The following AKAP6 variants were observed in gnomAD, a reference collection of about 807,000 sequenced individuals.
The protein encoded by AKAP6 is A-kinase anchoring protein 6.
A neutral mutation model predicts 188.5 loss-of-function variants in AKAP6; 58 were observed. That is an observed-to-expected ratio of 0.31 (90% CI 0.25 to 0.38). The LOEUF is 0.38. AKAP6 is among the 10% of genes least tolerant of loss of function. The pLI, the probability that AKAP6 is intolerant of heterozygous loss-of-function variation, is 1.00. For missense variants in AKAP6, 2,710 were observed against 2,740.0 expected, an observed-to-expected ratio of 0.99 and a Z score of 0.24; for synonymous variants, 989 against 998.6, an observed-to-expected ratio of 0.99 and a Z score of 0.18.
At chr14:32,543,216 C>A (rs1032949640) in intron 3 of AKAP6, among the ~76,000 whole-genome samples, 1 of 152,202 alleles carries the variant, frequency 6.6e-6, no homozygotes, top group Non-Finnish European at 1.5e-5. Context: ...CCTTTCCCAA[C>A]CTCTAGTAAC....
intron 5 of AKAP6, among the ~76,000 whole-genome samples, chr14:32,591,283 G>T (rs1885474642): frequency 6.6e-6 from 1 of 152,138 alleles, no homozygotes; most frequent in South Asian, 2.1e-4. Context: ...ATGTGGCCAT[G>T]CTGGGAAGTG....
At chr14:32,352,091 G>GTA (rs1555320161) in intron 1 of AKAP6, among the ~76,000 whole-genome samples, 3 of 99,196 alleles carry the variant, frequency 3.0e-5, no homozygotes, top group South Asian at 4.0e-4. Flanking sequence ...GTGTGTGTGT[G>GTA]TGTGTGTGTG....
chr14:32,718,426 A>T (rs2030347810), intron 9 of AKAP6: 2 of 602,162 alleles, frequency 3.3e-6, no homozygotes, highest in South Asian at 1.5e-4. Flanking sequence ...GGGTCAGGGG[A>T]TGGGTAGAAC....
rs529126008 is a variant in AKAP6 at position 32,522,493 on chromosome 14, A to G, written c.325-13061A>G. Among the ~76,000 whole-genome samples, 32 of 82,000 alleles carry G rather than the reference A, an allele frequency of 3.9e-4. No individual in the cohort carries two copies. The South Asian group carries it at 8.7e-3, about 22-fold the overall frequency. 53.8% of individuals were successfully genotyped at this position (82,000 alleles called of 152,430 possible). A position where few individuals can be genotyped will look rare whatever the true frequency, so the allele number is the denominator to read the frequency against. ...CAAAGAACTTAAACAAACTTACAAG[A>G]AAAAATCAAACAACCCCAACAAAAA... On this transcript the variant is annotated intron_variant, in intron 2 of 13. Transcript: ENST00000280979.
At chr14:32,688,357 A>G (rs1030685166) in intron 8 of AKAP6, among the ~76,000 whole-genome samples, 18 of 152,108 alleles carry the variant, frequency 1.2e-4, no homozygotes, top group African/African-American at 4.3e-4. Context: ...TCATTTCCCT[A>G]TCTCCTTCAA....
chr14:32,686,454 GT>G (rs1384229428), intron 8 of AKAP6, among the ~76,000 whole-genome samples: 1 of 152,106 alleles, frequency 6.6e-6, no homozygotes, highest in Non-Finnish European at 1.5e-5. Context: ...TAATTGGATT[GT>G]TTGTAACACA....
intron 7 of AKAP6, among the ~76,000 whole-genome samples, chr14:32,602,793 G>C (rs1345922245): frequency 6.6e-6 from 1 of 152,144 alleles, no homozygotes; most frequent in Non-Finnish European, 1.5e-5. Context: ...GAGAGGTTAG[G>C]TAACTTCCTT....
chr14:32,433,733 C>A lies in AKAP6; in HGVS notation c.240C>A (p.Thr80=), dbSNP rs930939492. The change falls in exon 2 of 14, where the codon ACC becomes ACA. Residue 80 remains threonine (T), a synonymous_variant. Coordinates refer to ENST00000280979, the MANE Select transcript of AKAP6 (RefSeq NM_004274.5). The part of the protein sequence containing the change: ...LPEIETWLRM[T]SERVRDLTYS... Reference sequence around the variant, plus strand: ...AAATTGAGACCTGGCTCCGGATGACCTCAGAGAGGGTCCGAGACCTAACCT... The same window carrying A: ...AAATTGAGACCTGGCTCCGGATGACATCAGAGAGGGTCCGAGACCTAACCT... 5 of 1,614,056 alleles carry A rather than the reference C, an allele frequency of 3.1e-6. No individual in the cohort carries two copies. The highest frequency in any genetic ancestry group is 4.2e-6 in the Non-Finnish European group (5 of 1,180,038).
chr14:32,779,892 G>T (rs1311278367), intron 12 of AKAP6, among the ~76,000 whole-genome samples: 5 of 152,066 alleles, frequency 3.3e-5, no homozygotes, highest in Admixed American at 2.6e-4. Flanking sequence ...TAGAAAAAAG[G>T]GAACCCTTGT....
intron 2 of AKAP6, among the ~76,000 whole-genome samples, chr14:32,473,488 G>T (rs1457739057): frequency 6.6e-6 from 1 of 152,180 alleles, no homozygotes; most frequent in Non-Finnish European, 1.5e-5. Flanking sequence ...TTTGCTCTCA[G>T]AATGAGTCAA....
At chr14:32,768,723 A>T (rs2032793275) in intron 11 of AKAP6, among the ~76,000 whole-genome samples, 1 of 152,154 alleles carries the variant, frequency 6.6e-6, no homozygotes, top group South Asian at 2.1e-4. Flanking sequence ...CTAAAAACTA[A>T]GTTTCTTTAT....
chr14:32,670,324 A>G (rs1266933382), intron 7 of AKAP6, among the ~76,000 whole-genome samples: 1 of 152,088 alleles, frequency 6.6e-6, no homozygotes, highest in East Asian at 1.9e-4. Context: ...AAACCATATC[A>G]CCAAGTGTAG....
intron 11 of AKAP6, among the ~76,000 whole-genome samples, chr14:32,767,574 C>G (rs1054226023): frequency 6.6e-6 from 1 of 152,078 alleles, no homozygotes; most frequent in Non-Finnish European, 1.5e-5. Flanking sequence ...TAGATCAATA[C>G]TTGAATAATG....
chr14:32,793,114 A>G (rs185910844), intron 12 of AKAP6, among the ~76,000 whole-genome samples: 38 of 152,328 alleles, frequency 2.5e-4, no homozygotes, highest in Middle Eastern at 6.8e-3. Flanking sequence ...AAGCAACCAC[A>G]TAAACAAGTC....
chr14:32,439,890 A>G (rs766050216), intron 2 of AKAP6, among the ~76,000 whole-genome samples: 12 of 152,190 alleles, frequency 7.9e-5, no homozygotes, highest in Non-Finnish European at 1.6e-4. Context: ...CACATCTTAA[A>G]TATAATAAGC....
At chr14:32,577,096 T>TC in intron 4 of AKAP6, 24 bp from the exon 5 acceptor site, 7 of 1,590,454 alleles carry the variant, frequency 4.4e-6, no homozygotes, top group Non-Finnish European at 6.0e-6. Flanking sequence ...CCCCTTTTTT[T>TC]CCCCTTTTCT....
At chr14:32,618,573 C>T (rs1886683155) in intron 7 of AKAP6, among the ~76,000 whole-genome samples, 1 of 152,124 alleles carries the variant, frequency 6.6e-6, no homozygotes, top group Non-Finnish European at 1.5e-5. Flanking sequence ...ATGTATGTCA[C>T]ATTTTCTTTA....
chr14:32,821,494 G>A lies in AKAP6; in HGVS notation c.3681G>A (p.Lys1227=). The A allele has an allele frequency of 1.2e-6, 2 of 1,613,764 alleles. No homozygotes were observed. The highest frequency in any genetic ancestry group is 2.7e-5 in the African/African-American group (2 of 75,014). ...LEWDEMDISN[K]LISLNEESND... is the part of the protein sequence containing the mutation. ...GGGATGAAATGGACATAAGTAACAA[G>A]TTAATTAGTTTGAATGAGGAATCAA... Residue 1227 remains lysine (K), a synonymous_variant, in exon 13 of 14, where the codon AAG becomes AAA. Transcript: ENST00000280979.
chr14:32,532,966 A>T, intron 2 of AKAP6, among the ~76,000 whole-genome samples: 1 of 152,302 alleles, frequency 6.6e-6, no homozygotes, highest in East Asian at 1.9e-4. Context: ...GGAGTGAAAA[A>T]GTTGAACAAA....
Sources: gnomAD v4.1 joint callset for allele counts (sites outside exome capture counted in the v4.1 genomes callset) on GRCh38, gnomAD v4.1.1 for gene constraint, MANE v1.5 for transcripts, NCBI Gene and HGNC (gene_info 2026-07-23, HGNC 2026-07-21) for gene names.